SLC35F3: variants seen among roughly 807,000 people sequenced by gnomAD.
SLC35F3 encodes the protein putative thiamine transporter SLC35F3.
SLC35F3 carries 25 observed loss-of-function variants against 49.9 expected under a neutral mutation model. The observed-to-expected ratio is 0.50, with a 90% CI of 0.37 to 0.70. The LOEUF is 0.70. Among genes scored for constraint, SLC35F3 ranks in the 30% least tolerant of loss-of-function variants. The pLI, the probability that SLC35F3 is intolerant of heterozygous loss-of-function variation, is 0.00. For synonymous variants in SLC35F3, 275 were observed against 265.4 expected, an observed-to-expected ratio of 1.04 and a Z score of -0.35; for missense variants, 525 against 639.8, an observed-to-expected ratio of 0.82 and a Z score of 1.94.
At chr1:233,956,234 TCTC>T (rs1362998101) in intron 2 of SLC35F3, among the ~76,000 whole-genome samples, 3 of 152,130 alleles carry the variant, frequency 2.0e-5, no homozygotes, top group Admixed American at 6.5e-5. Flanking sequence ...GAGTGTGACT[TCTC>T]CTATTGCTCT....
rs554180726 is a variant in SLC35F3, at chr1:234,238,320, G to A, written c.608+6579G>A. Among the ~76,000 whole-genome samples the A allele has an allele frequency of 2.0e-3, 302 of 152,296 alleles. 2 individuals are homozygous for A. The highest frequency in any genetic ancestry group is 7.0e-3 in the African/African-American group (293 of 41,568). On this transcript the variant is annotated intron_variant, in intron 3 of 7. Coordinates refer to ENST00000366618, the MANE Select transcript of SLC35F3 (RefSeq NM_173508.4). ...GTCTGGTACAGCCACAGGAAATCATGTAATCAATGCTCCAAGTCTAAATGA... is the reference window on the plus strand; with the variant it reads ...GTCTGGTACAGCCACAGGAAATCATATAATCAATGCTCCAAGTCTAAATGA...
intron 2 of SLC35F3, among the ~76,000 whole-genome samples, chr1:234,230,140 A>G (rs898733313): frequency 2.6e-5 from 4 of 152,238 alleles, no homozygotes; most frequent in African/African-American, 7.2e-5. Flanking sequence ...GTTTGGCCCA[A>G]TAAAGTACAT....
At position 234,247,831 on chromosome 1, in the gene SLC35F3, G is replaced by GTGCATTGTTTGATGGGTCAGTTGGCTGA. The variant is rs1271193990; in HGVS notation, c.608+16117_608+16118insATGCATTGTTTGATGGGTCAGTTGGCTG. Among the ~76,000 whole-genome samples, 11 of 152,038 alleles carry GTGCATTGTTTGATGGGTCAGTTGGCTGA rather than the reference G, an allele frequency of 7.2e-5. 1 individual carries two copies. Among genetic ancestry groups the GTGCATTGTTTGATGGGTCAGTTGGCTGA allele is most frequent in the African/African-American group, 2.7e-4 (11 of 41,422 alleles). ...CATTGTTTCATGGGTCAGTTGGCTG[G>GTGCATTGTTTGATGGGTCAGTTGGCTGA]TGCATTGTTTGATGGGTCAGTTGGC... On this transcript the variant is annotated intron_variant, in intron 3 of 7. Transcript: ENST00000366618.
intron 2 of SLC35F3, among the ~76,000 whole-genome samples, chr1:233,992,173 G>A (rs1305160012): frequency 6.6e-6 from 1 of 152,134 alleles, no homozygotes; most frequent in Non-Finnish European, 1.5e-5. Flanking sequence ...AAGGGCAGGA[G>A]GGACACCCCC....
intron 3 of SLC35F3, among the ~76,000 whole-genome samples, chr1:234,299,264 C>T (rs886087278): frequency 5.9e-5 from 9 of 152,194 alleles, no homozygotes; most frequent in African/African-American, 1.9e-4. Flanking sequence ...TTAGTAGTCT[C>T]ATAGTCCTGG....
In SLC35F3 at chr1:234,022,202, G is replaced by A. The variant is rs373396175; in HGVS notation, c.283+116444G>A. ...GTTGAGTTGCAGGCTGGAAGGCTAA[G>A]GTCCGGGGTCACTCCCTGTATTAGT... On this transcript the variant is annotated intron_variant, in intron 2 of 7. Coordinates refer to ENST00000366618, the MANE Select transcript of SLC35F3 (RefSeq NM_173508.4). Among the ~76,000 whole-genome samples the A allele has an allele frequency of 5.9e-5, 9 of 152,232 alleles. No individual in the cohort carries two copies. In the East Asian group the frequency reaches 1.7e-3, roughly 29 times the overall value.
chr1:233,972,628 G>C (rs777136004), intron 2 of SLC35F3, among the ~76,000 whole-genome samples: 1 of 151,880 alleles, frequency 6.6e-6, no homozygotes, highest in East Asian at 1.9e-4. Context: ...TGGCGAGCCT[G>C]GTAAATCATG....
chr1:233,985,760 G>C (rs185387133), intron 2 of SLC35F3, among the ~76,000 whole-genome samples: 85 of 152,304 alleles, frequency 5.6e-4, no homozygotes, highest in African/African-American at 2.0e-3. Flanking sequence ...ATCCACAAAA[G>C]TATAAGACAG....
rs1015551579 is a variant in SLC35F3, at chr1:234,015,291, T to C, written c.283+109533T>C. Among the ~76,000 whole-genome samples, 4 of 150,014 alleles carry C rather than the reference T, an allele frequency of 2.7e-5. No individual in the cohort carries two copies. In the South Asian group the frequency reaches 6.3e-4, roughly 24 times the overall value. On this transcript the variant is annotated intron_variant, in intron 2 of 7. Coordinates refer to ENST00000366618, the MANE Select transcript of SLC35F3 (RefSeq NM_173508.4). The stretch of plus-strand genomic sequence containing the variant: ...TGAACCCAGGAGGCGGAGTTTGCAG[T>C]GAGCCGATATTGTACTGCTGCACTC...
intron 2 of SLC35F3, among the ~76,000 whole-genome samples, chr1:234,208,106 G>T (rs556766631): frequency 7.2e-5 from 11 of 152,330 alleles, no homozygotes; most frequent in African/African-American, 2.4e-4. Flanking sequence ...GAGGCCAGAG[G>T]AGACTTGGTG....
intron 5 of SLC35F3, among the ~76,000 whole-genome samples, chr1:234,317,308 C>A (rs1194907949): frequency 6.6e-6 from 1 of 152,122 alleles, no homozygotes; most frequent in Non-Finnish European, 1.5e-5. Context: ...CTAGAGGAAA[C>A]AAATTTTTAT....
chr1:234,060,789 A>G (rs897619465), intron 2 of SLC35F3, among the ~76,000 whole-genome samples: 23 of 151,970 alleles, frequency 1.5e-4, no homozygotes, highest in African/African-American at 2.7e-4. Flanking sequence ...CCCACCTTTA[A>G]TCATTTCTGT....
chr1:234,021,964 C>A (rs1043340833), intron 2 of SLC35F3, among the ~76,000 whole-genome samples: 9 of 152,186 alleles, frequency 5.9e-5, no homozygotes, highest in African/African-American at 1.9e-4. Flanking sequence ...TGAATGCAGA[C>A]CTTGGTTGTT....
At chr1:234,202,849 G>T (rs1194300970) in intron 2 of SLC35F3, among the ~76,000 whole-genome samples, 1 of 152,246 alleles carries the variant, frequency 6.6e-6, no homozygotes, top group Non-Finnish European at 1.5e-5. Flanking sequence ...AGGAAAGGCT[G>T]CAATGAGGCT....
intron 3 of SLC35F3, among the ~76,000 whole-genome samples, chr1:234,308,045 G>A (rs937969748): frequency 2.6e-5 from 4 of 152,196 alleles, no homozygotes; most frequent in Non-Finnish European, 5.9e-5. Flanking sequence ...CTCTAGAACG[G>A]CATCAAAAGA....
At chr1:234,280,159 G>A (rs1396034850) in intron 3 of SLC35F3, among the ~76,000 whole-genome samples, 1 of 152,148 alleles carries the variant, frequency 6.6e-6, no homozygotes, top group Non-Finnish European at 1.5e-5. Context: ...TCAATGGCAG[G>A]GATTCCTCAT....
At position 234,059,596 on chromosome 1, in the gene SLC35F3, G is replaced by GA. The variant is rs1319998783; in HGVS notation, c.283+153838_283+153839insA. On this transcript the variant is annotated intron_variant, in intron 2 of 7. Transcript: ENST00000366618. ...AGGTAGAGATAGAGCTAGAGCTAGAGCTAGAGACATAGACATAGACTAGAC... is the reference window on the plus strand; with the variant it reads ...AGGTAGAGATAGAGCTAGAGCTAGAGACTAGAGACATAGACATAGACTAGAC... 1.5e-4 allele frequency among the ~76,000 whole-genome samples: 23 copies of GA among 149,320 alleles called. No individual in the cohort carries two copies. In the South Asian group the frequency reaches 4.8e-3, roughly 31 times the overall value.
At chr1:233,983,818 T>C (rs1156892045) in intron 2 of SLC35F3, among the ~76,000 whole-genome samples, 1 of 152,138 alleles carries the variant, frequency 6.6e-6, no homozygotes, top group Non-Finnish European at 1.5e-5. Context: ...TAGAAGCAAA[T>C]AAAAGAGCCC....
chr1:233,942,204 G>A (rs560572304), intron 2 of SLC35F3, among the ~76,000 whole-genome samples: 23 of 151,694 alleles, frequency 1.5e-4, no homozygotes, highest in African/African-American at 4.3e-4. Flanking sequence ...CTTGTGAGCC[G>A]CCCGCCTCAG....
Sources: allele counts gnomAD v4.1 joint callset (sites outside exome capture counted in the v4.1 genomes callset), GRCh38; gene constraint gnomAD v4.1.1; transcripts MANE v1.5; gene names NCBI Gene and HGNC (gene_info 2026-07-23, HGNC 2026-07-21).